Variants in ZMYND11 observed in about 807,000 individuals in gnomAD.
ZMYND11 encodes the protein zinc finger MYND domain-containing protein 11.
A neutral mutation model predicts 84.9 loss-of-function variants in ZMYND11; 9 were observed. The ratio of observed to expected loss-of-function variants is 0.11; its 90% CI spans 0.06 to 0.18. The LOEUF is 0.18. Among genes scored for constraint, ZMYND11 ranks in the 10% least tolerant of loss-of-function variants. The probability of loss-of-function intolerance (pLI) is 1.00; values close to 1 mark genes in which losing one functional copy is unlikely to be tolerated. For synonymous variants in ZMYND11, 250 were observed against 244.1 expected (o/e 1.02, Z -0.23); for missense variants, 409 against 761.0 (o/e 0.54, Z 5.44).
chr10:151,950 A>ATAT (rs1260521635), intron 1 of ZMYND11, among the ~76,000 whole-genome samples: 3 of 152,252 alleles, frequency 2.0e-5, no homozygotes, highest in African/African-American at 7.2e-5. Flanking sequence ...CCAGAATTTC[A>ATAT]TATCCAGCCA....
intron 7 of ZMYND11, 99 bp from the exon 8 acceptor site, chr10:239,957 G>A (rs567354833): frequency 4.1e-6 from 4 of 976,186 alleles, no homozygotes; most frequent in Non-Finnish European, 6.1e-6. Flanking sequence ...GTTTGAAATG[G>A]TAGATGTCTA....
At position 135,869 on chromosome 10, in the gene ZMYND11, C is replaced by T. The variant is rs1554751890; in HGVS notation, c.-20+310C>T. Among the ~76,000 whole-genome samples, 1 of 151,066 alleles carries T rather than the reference C, an allele frequency of 6.6e-6. No homozygotes were observed. Among genetic ancestry groups the T allele is most frequent in the Non-Finnish European group, 1.5e-5 (1 of 67,654 alleles). ...TGAGGCCCCGGAGGACCGCGCGGGGCCTGCTCGGGCCGGGAAGCCGCGGAG... is the reference window on the plus strand; with the variant it reads ...TGAGGCCCCGGAGGACCGCGCGGGGTCTGCTCGGGCCGGGAAGCCGCGGAG... On this transcript the variant is annotated intron_variant, in intron 1 of 14. Transcript: ENST00000381604. This position sits in a 1 kb window ranked among gnomAD's most constrained non-coding sequence, Gnocchi z 5.6.
chr10:188,694 A>G (rs1193898856), intron 2 of ZMYND11, among the ~76,000 whole-genome samples: 3 of 152,186 alleles, frequency 2.0e-5, no homozygotes, highest in Non-Finnish European at 4.4e-5. Flanking sequence ...AACAAGTTAC[A>G]TATATCACTT....
chr10:236,480 T>C (rs1949990457), intron 4 of ZMYND11, among the ~76,000 whole-genome samples: 2 of 152,238 alleles, frequency 1.3e-5, no homozygotes, highest in South Asian at 4.1e-4. Flanking sequence ...TAATTTAAGA[T>C]GTTCCCTCAA....
chr10:186,642 C>CAAAAAA (rs56345833), intron 2 of ZMYND11, among the ~76,000 whole-genome samples: 2 of 95,156 alleles, frequency 2.1e-5, no homozygotes, highest in African/African-American at 8.0e-5. Flanking sequence ...AGGACTCTCT[C>CAAAAAA]AAAAAAAAAA....
intron 4 of ZMYND11, among the ~76,000 whole-genome samples, chr10:225,457 C>T (rs1246979824): frequency 6.6e-6 from 1 of 152,100 alleles, no homozygotes; most frequent in Non-Finnish European, 1.5e-5. Context: ...CCAGCCTCCT[C>T]CTGCCTCAGC....
chr10:159,125 T>TG, intron 1 of ZMYND11, among the ~76,000 whole-genome samples: 1 of 149,384 alleles, frequency 6.7e-6, no homozygotes, highest in Admixed American at 6.6e-5. Flanking sequence ...TCTTTTTTTT[T>TG]TTTTCTTAAT....
chr10:209,035 A>G (rs907881887), intron 2 of ZMYND11, among the ~76,000 whole-genome samples: 5 of 151,848 alleles, frequency 3.3e-5, no homozygotes, highest in African/African-American at 1.2e-4. Flanking sequence ...ATATATGTAT[A>G]TGTATATATA....
At chr10:249,683 G>T in intron 14 of ZMYND11, 1 of 985,322 alleles carries the variant, frequency 1.0e-6, no homozygotes, top group Non-Finnish European at 1.2e-6. Flanking sequence ...CCAAGTGCTC[G>T]TCCTACAGCC....
intron 2 of ZMYND11, among the ~76,000 whole-genome samples, chr10:195,865 T>G (rs1941605155): frequency 6.6e-6 from 1 of 152,206 alleles, no homozygotes; most frequent in African/African-American, 2.4e-5. Context: ...AAATAATTTC[T>G]TATATGTGTA....
rs754734769 is a variant in ZMYND11, at chr10:252,516, A to G, written c.*46A>G. 4 of 1,551,218 alleles carry G rather than the reference A, an allele frequency of 2.6e-6. No individual in the cohort carries two copies. The highest frequency in any genetic ancestry group is 2.6e-6 in the Non-Finnish European group (3 of 1,149,646). Reference sequence around the variant, plus strand: ...ACCCCGATGATTACTCTTTTCAGACACAGCGGTTTTTGTTTCCAAGAAGCC... The same window carrying G: ...ACCCCGATGATTACTCTTTTCAGACGCAGCGGTTTTTGTTTCCAAGAAGCC... On this transcript the variant is annotated 3_prime_UTR_variant, in exon 15 of 15. Transcript: ENST00000381604. This position sits in a 1 kb window ranked among gnomAD's most constrained non-coding sequence, Gnocchi z 4.6.
chr10:223,741 T>C (rs558337152), intron 4 of ZMYND11, among the ~76,000 whole-genome samples: 1 of 152,324 alleles, frequency 6.6e-6, no homozygotes, highest in Admixed American at 6.5e-5. Flanking sequence ...GTAATAATAA[T>C]CTTGAAATTG....
chr10:155,960 T>C (rs1456898103), intron 1 of ZMYND11, among the ~76,000 whole-genome samples: 2 of 152,122 alleles, frequency 1.3e-5, no homozygotes, highest in Non-Finnish European at 2.9e-5. Flanking sequence ...TGGCAAACCT[T>C]GAGGGAGGAG....
chr10:151,216 A>G (rs1477990128), intron 1 of ZMYND11, among the ~76,000 whole-genome samples: 43 of 152,204 alleles, frequency 2.8e-4, no homozygotes, highest in African/African-American at 1.0e-3. Flanking sequence ...GCTGGATGGG[A>G]ATGACTTTCA....
Position 247,427 on chromosome 10 carries a change from G to C in ZMYND11, c.1188G>C (p.Lys396Asn). 6.2e-7 allele frequency: 1 copy of C among 1,614,144 alleles called. No homozygotes were observed. Among genetic ancestry groups the C allele is most frequent in the Non-Finnish European group, 8.5e-7 (1 of 1,180,000 alleles). Reference sequence around the variant, plus strand: ...AGGTCACTCAAGAACCAAGAGCAAAGAAAGGACGACGTAATCAAAGTGTGG... The same window carrying C: ...AGGTCACTCAAGAACCAAGAGCAAACAAAGGACGACGTAATCAAAGTGTGG... ...QLKVTQEPRAKKGRRNQSVEP... is the reference protein window; with the variant it reads ...QLKVTQEPRANKGRRNQSVEP... Residue 396 changes from lysine (K) to asparagine (N), a missense_variant, in exon 12 of 15, where the codon AAG becomes AAC. This residue lies in a region of ZMYND11 where 19 missense variants were observed against 60.5 expected (regional missense o/e 0.31). Transcript: ENST00000381604.
At chr10:205,883 G>T (rs1013742116) in intron 2 of ZMYND11, among the ~76,000 whole-genome samples, 1 of 151,614 alleles carries the variant, frequency 6.6e-6, no homozygotes, top group Non-Finnish European at 1.5e-5. Context: ...TAACAATGGC[G>T]TGTATAACTT....
intron 10 of ZMYND11, among the ~76,000 whole-genome samples, chr10:242,474 T>C (rs1951197028): frequency 6.6e-6 from 1 of 152,174 alleles, no homozygotes; most frequent in Non-Finnish European, 1.5e-5. Context: ...ACAGTTACTC[T>C]AGTTGCTCCA....
intron 3 of ZMYND11, among the ~76,000 whole-genome samples, chr10:213,201 A>G (rs956231156): frequency 1.4e-4 from 22 of 152,248 alleles, no homozygotes; most frequent in African/African-American, 3.9e-4. Context: ...ATATTTGCCT[A>G]TTTATTCAAA....
chr10:246,749 TTA>T lies in ZMYND11; in HGVS notation c.951-15_951-14del. The T allele has an allele frequency of 6.2e-7, 1 of 1,612,512 alleles. No homozygotes were observed. Among genetic ancestry groups the T allele is most frequent in the Non-Finnish European group, 8.5e-7 (1 of 1,178,718 alleles). On this transcript the variant is annotated splice_polypyrimidine_tract_variant and intron_variant, in intron 10 of 14. Transcript: ENST00000381604. ...ATTTGGGATGTTTCTAACTATACCT[TTA>T]TGTGTTTTTCCTAGGGCCTGGATTC...
Sources: allele counts gnomAD v4.1 joint callset (sites outside exome capture counted in the v4.1 genomes callset), GRCh38; gene constraint gnomAD v4.1.1; regional missense constraint gnomAD v4.1.1; non-coding constraint Gnocchi (gnomAD v3.1); transcripts MANE v1.5; gene names NCBI Gene and HGNC (gene_info 2026-07-23, HGNC 2026-07-21).